The following TF variants were observed in gnomAD, a reference collection of about 807,000 sequenced individuals.
TF encodes transferrin, also known as serotransferrin.
TF carries 55 observed loss-of-function variants against 82.4 expected under a neutral mutation model. That is an observed-to-expected ratio of 0.67 (90% confidence interval 0.54 to 0.84). The LOEUF (loss-of-function observed/expected upper bound fraction) is 0.84, where lower values mean the gene tolerates loss of function less well. Among genes scored for constraint, TF ranks in the 40% least tolerant of loss-of-function variants. The pLI is 0.00. For missense variants in TF, 737 were observed against 868.4 expected (o/e 0.85, Z 1.90); for synonymous variants, 332 against 332.6 (o/e 1.00, Z 0.02).
rs765167285 is a variant in TF, at chr3:133,759,326, C to T, written c.1200C>T (p.Ile400=). 3 of 1,613,436 alleles carry T rather than the reference C, an allele frequency of 1.9e-6. No homozygotes were observed. In the South Asian group the frequency reaches 3.3e-5, roughly 18 times the overall value. ...CCACCGAAGACTGCATCGCCAAGAT[C>T]ATGGTATGTCACTCCAGCCTTCCTA... ...AETTEDCIAK[I]MNGEADAMSL... The change falls in exon 9 of 17, where the codon ATC becomes ATT. Residue 400 remains isoleucine (I), a synonymous_variant. Coordinates refer to ENST00000402696, the MANE Select transcript of TF (RefSeq NM_001063.4).
chr3:133,682,646 A>C, the TF span, among the ~76,000 whole-genome samples: 1 of 152,228 alleles, frequency 6.6e-6, no homozygotes, highest in Non-Finnish European at 1.5e-5. Flanking sequence ...AAGTGAGAAC[A>C]GAAGTTTAGA....
rs1934510831 is a variant in TF, at chr3:133,781,245, G to A, written c.*2625G>A. On this transcript the variant is annotated 3_prime_UTR_variant, in exon 17 of 17. Transcript: ENST00000402696. ...GCGGGAGAATTGCTTGAACCTGGGA[G>A]GCAGAAGTTGTGGTGAGCCGAGATC... 6.6e-6 allele frequency: 1 copy of A among 152,068 alleles called. No homozygotes were observed. The highest frequency in any genetic ancestry group is 1.5e-5 in the Non-Finnish European group (1 of 68,030). 9.4% of individuals were successfully genotyped at this position (152,068 alleles called of 1,614,324 possible). A position where few individuals can be genotyped will look rare whatever the true frequency, so the allele number is the denominator to read the frequency against.
chr3:133,764,530 G>T (rs1934076918), intron 10 of TF, among the ~76,000 whole-genome samples: 1 of 152,190 alleles, frequency 6.6e-6, no homozygotes, highest in South Asian at 2.1e-4. Context: ...TGACCCCATT[G>T]CAAAGGACAG....
At chr3:133,714,949 C>T in the TF span, among the ~76,000 whole-genome samples, 1 of 152,190 alleles carries the variant, frequency 6.6e-6, no homozygotes, top group Admixed American at 6.5e-5. Context: ...TCCCAAAGTG[C>T]TGGGATTACA....
intron 16 of TF, chr3:133,777,555 T>TC: frequency 3.7e-6 from 1 of 271,410 alleles, no homozygotes; most frequent in Non-Finnish European, 7.1e-6. Context: ...TAGAGTTGCC[T>TC]TGTCCAATAT....
the TF span, among the ~76,000 whole-genome samples, chr3:133,718,722 G>C: frequency 0.59 from 89,508 of 151,390 alleles, 26,929 homozygotes; most frequent in East Asian, 0.76. Flanking sequence ...ACTGATGTTG[G>C]AGGTTCCTCA....
chr3:133,701,385 T>A, the TF span, among the ~76,000 whole-genome samples: 13 of 152,346 alleles, frequency 8.5e-5, no homozygotes, highest in African/African-American at 2.9e-4. Context: ...ACTACCACCA[T>A]CCAGAGGTTT....
the TF span, among the ~76,000 whole-genome samples, chr3:133,671,795 GAA>G: frequency 9.2e-5 from 5 of 54,524 alleles, no homozygotes; most frequent in African/African-American, 1.6e-4. Context: ...TCTGTCAAAA[GAA>G]AAAAAAAAAA....
chr3:133,699,946 T>G, the TF span: 1 of 179,480 alleles, frequency 5.6e-6, no homozygotes. Context: ...CTCCACAAAG[T>G]CCTCCCCTGT....
chr3:133,733,454 T>A, the TF span, among the ~76,000 whole-genome samples: 1 of 152,198 alleles, frequency 6.6e-6, no homozygotes, highest in Non-Finnish European at 1.5e-5. Flanking sequence ...CTGCCTTTGA[T>A]CAGGGACCTT....
the TF span, among the ~76,000 whole-genome samples, chr3:133,697,239 C>A: frequency 1.3e-5 from 2 of 151,960 alleles, no homozygotes; most frequent in African/African-American, 4.8e-5. Flanking sequence ...TTAGTGGGGT[C>A]ACCTATGGGT....
At chr3:133,706,359 TAGA>T in the TF span, among the ~76,000 whole-genome samples, 39 of 152,178 alleles carry the variant, frequency 2.6e-4, no homozygotes, top group African/African-American at 8.0e-4. Flanking sequence ...GTCTTTAGAG[TAGA>T]AGACCACCAC....
At chr3:133,777,465 G>T (rs1380857015) in intron 16 of TF, 3 of 544,760 alleles carry the variant, frequency 5.5e-6, no homozygotes, top group Non-Finnish European at 9.9e-6. Context: ...AACTTATTGG[G>T]TATAGAGAAT....
chr3:133,748,553 C>T lies in TF; in HGVS notation c.185C>T (p.Ala62Val). ...DGPSVACVKK[A>V]SYLDCIRAIA... is the part of the protein sequence containing the mutation. ...CCCAGTGTTGCTTGTGTGAAGAAAG[C>T]CTCCTACCTTGATTGCATCAGGGCC... Residue 62 changes from alanine (A) to valine (V), a missense_variant, in exon 2 of 17, where the codon GCC becomes GTC. Transcript: ENST00000402696. The T allele has an allele frequency of 6.2e-7, 1 of 1,614,090 alleles. No homozygotes were observed. Among genetic ancestry groups the T allele is most frequent in the Non-Finnish European group, 8.5e-7 (1 of 1,180,016 alleles).
At chr3:133,733,708 A>G in the TF span, among the ~76,000 whole-genome samples, 1 of 152,164 alleles carries the variant, frequency 6.6e-6, no homozygotes, top group Admixed American at 6.5e-5. Context: ...ACATTGAACA[A>G]TGCTGAATAT....
At chr3:133,756,492 G>A (rs192154018) in intron 6 of TF, among the ~76,000 whole-genome samples, 155 bp downstream of exon 6, 61 of 152,212 alleles carry the variant, frequency 4.0e-4, no homozygotes, top group Non-Finnish European at 6.8e-4. Context: ...AGGTACCTAC[G>A]GGGTCCCCAT....
the TF span, among the ~76,000 whole-genome samples, chr3:133,725,011 C>T: frequency 1.6e-3 from 240 of 152,226 alleles, 1 homozygote; most frequent in African/African-American, 5.7e-3. Flanking sequence ...TTCCATTGAT[C>T]TATATCTCTG....
the TF span, among the ~76,000 whole-genome samples, chr3:133,668,872 C>T: frequency 2.6e-5 from 4 of 152,152 alleles, no homozygotes; most frequent in African/African-American, 4.8e-5. Flanking sequence ...TTGCATGTCC[C>T]GTGGATGGGA....
chr3:133,715,953 C>T, the TF span, among the ~76,000 whole-genome samples: 1 of 152,188 alleles, frequency 6.6e-6, no homozygotes, highest in African/African-American at 2.4e-5. Flanking sequence ...TCTTTTAATT[C>T]CTGTTCCAGT....
Sources: gnomAD v4.1 joint callset for allele counts (sites outside exome capture counted in the v4.1 genomes callset) on GRCh38, gnomAD v4.1.1 for gene constraint, MANE v1.5 for transcripts, NCBI Gene and HGNC (gene_info 2026-07-23, HGNC 2026-07-21) for gene names.